The following HABP2 variants were observed in gnomAD, a reference collection of about 807,000 sequenced individuals.
HABP2 encodes factor VII-activating protease.
HABP2 carries 65 observed loss-of-function variants against 66.5 expected under a neutral mutation model. The ratio of observed to expected loss-of-function variants is 0.98; its 90% CI spans 0.80 to 1.20. The LOEUF is 1.20. Ranked by LOEUF, HABP2 falls within the 50% of genes most tolerant of loss-of-function variation. The probability of loss-of-function intolerance (pLI) is 0.00; values close to 1 mark genes in which losing one functional copy is unlikely to be tolerated. For synonymous variants in HABP2, 263 were observed against 253.9 expected, an observed-to-expected ratio of 1.04 and a Z score of -0.34; for missense variants, 786 against 691.0, an observed-to-expected ratio of 1.14 and a Z score of -1.54.
intron 1 of HABP2, among the ~76,000 whole-genome samples, chr10:113,562,250 A>G (rs951866245): frequency 1.3e-5 from 2 of 152,202 alleles, no homozygotes; most frequent in Non-Finnish European, 2.9e-5. Context: ...TGTTGAAACT[A>G]GGAATGGATG....
intron 8 of HABP2, 85 bp from the exon 9 acceptor site, chr10:113,581,791 G>A (rs1342727588): frequency 4.3e-6 from 6 of 1,410,476 alleles, no homozygotes; most frequent in Non-Finnish European, 6.0e-6. Context: ...CAGCTGTTGG[G>A]CTCAGAGTCA....
Position 113,578,060 on chromosome 10 carries a change from T to A in HABP2, c.483T>A (p.Asn161Lys). ...VPVCRPNPCQNGATCSRHKRR... is the reference protein window; with the variant it reads ...VPVCRPNPCQKGATCSRHKRR... ...TATGCAGGCCAAACCCCTGCCAGAA[T>A]GGGGCTACCTGCTCCCGGCATAAGC... Residue 161 changes from asparagine to lysine, a missense_variant, in exon 6 of 13, where the codon AAT becomes AAA. Asn to Lys is a moderately conservative substitution (Grantham distance 94). Transcript: ENST00000351270. The A allele has an allele frequency of 6.2e-7, 1 of 1,614,188 alleles. No homozygotes were observed. Among genetic ancestry groups the A allele is most frequent in the Non-Finnish European group, 8.5e-7 (1 of 1,180,002 alleles).
rs1845717157 is a variant in HABP2, at chr10:113,588,528, A to G, written c.*159A>G. ...ACTGCCACCCAGCCTGGGCCTTCCC[A>G]GACCAGCATTTGCACAATATCACCA... On this transcript the variant is annotated 3_prime_UTR_variant, in exon 13 of 13. Coordinates refer to ENST00000351270, the MANE Select transcript of HABP2 (RefSeq NM_004132.5). 2 of 575,220 alleles carry G rather than the reference A, an allele frequency of 3.5e-6. 1 individual carries two copies. Among genetic ancestry groups the G allele is most frequent in the South Asian group, 5.3e-5 (2 of 37,932 alleles). The allele number at this position is 575,220 out of a possible 1,614,324, so 35.6% of individuals were successfully genotyped here.
chr10:113,578,671 A>C lies in HABP2; in HGVS notation c.613A>C (p.Lys205Gln). ...YVGDGYSYRG[K>Q]MNRTVNQHAC... is the part of the protein sequence containing the mutation. ...TGGCGATGGCTACTCTTACCGAGGGAAAATGAATAGGACAGTCAACCAGCA... is the reference window on the plus strand; with the variant it reads ...TGGCGATGGCTACTCTTACCGAGGGCAAATGAATAGGACAGTCAACCAGCA... Residue 205 changes from lysine to glutamine, a missense_variant, in exon 7 of 13, where the codon AAA becomes CAA. Transcript: ENST00000351270. 6.2e-7 allele frequency: 1 copy of C among 1,611,768 alleles called. No individual in the cohort carries two copies. The highest frequency in any genetic ancestry group is 8.5e-7 in the Non-Finnish European group (1 of 1,177,992).
At chr10:113,574,847 A>C (rs368429173) in intron 3 of HABP2, among the ~76,000 whole-genome samples, 2 of 152,052 alleles carry the variant, frequency 1.3e-5, no homozygotes, top group East Asian at 1.9e-4. Flanking sequence ...TCCTTCCCTC[A>C]TGCCTTTGCC....
Position 113,581,956 on chromosome 10 carries a change from G to A in HABP2, c.919G>A (p.Ala307Thr), listed in dbSNP as rs762766302. The change falls in exon 9 of 13, where the codon GCA becomes ACA. Residue 307 changes from alanine to threonine, a missense_variant. Physicochemically the swap from Ala to Thr is moderately conservative, Grantham distance 58 (BLOSUM62 0). Coordinates refer to ENST00000351270, the MANE Select transcript of HABP2 (RefSeq NM_004132.5). ...GFDSCGKTEI[A>T]ERKIKRIYGG... Reference sequence around the variant, plus strand: ...TGACTCCTGTGGAAAGACTGAGATAGCAGAGAGGAAGATCAAGAGAATCTA... The same window carrying A: ...TGACTCCTGTGGAAAGACTGAGATAACAGAGAGGAAGATCAAGAGAATCTA... 16 of 1,614,074 alleles carry A rather than the reference G, an allele frequency of 9.9e-6. No individual in the cohort carries two copies. In the South Asian group the frequency reaches 1.4e-4, roughly 14 times the overall value.
chr10:113,583,894 T>A (rs1034199123), intron 10 of HABP2, among the ~76,000 whole-genome samples: 3 of 152,208 alleles, frequency 2.0e-5, no homozygotes, highest in African/African-American at 4.8e-5. Flanking sequence ...TCCCCTCTAA[T>A]GGCCTGTTTC....
intron 1 of HABP2, 50 bp downstream of exon 1, chr10:113,553,240 A>G (rs1357212539): frequency 3.8e-6 from 5 of 1,316,018 alleles, no homozygotes; most frequent in Non-Finnish European, 5.5e-6. Context: ...GAAGTTTACT[A>G]GGAGGACCAA....
chr10:113,567,567 G>A (rs765422214), intron 2 of HABP2, 42 bp downstream of exon 2: 1 of 1,481,380 alleles, frequency 6.8e-7, no homozygotes, highest in South Asian at 1.1e-5. Flanking sequence ...CCAATCCCAG[G>A]CTGGTTCTGG....
At chr10:113,573,263 G>C (rs1229775338) in intron 2 of HABP2, among the ~76,000 whole-genome samples, 1 of 152,214 alleles carries the variant, frequency 6.6e-6, no homozygotes, top group Non-Finnish European at 1.5e-5. Flanking sequence ...AGGCCCCAGA[G>C]AGCAAAGAGC....
intron 2 of HABP2, among the ~76,000 whole-genome samples, chr10:113,570,955 A>G (rs1455575935): frequency 1.3e-5 from 2 of 152,230 alleles, no homozygotes; most frequent in African/African-American, 4.8e-5. Flanking sequence ...GAGAGGTGCC[A>G]TCTGAGGTCT....
intron 1 of HABP2, among the ~76,000 whole-genome samples, chr10:113,564,450 C>G (rs745852987): frequency 1.6e-4 from 24 of 152,108 alleles, no homozygotes; most frequent in Non-Finnish European, 3.2e-4. Context: ...CTAAGCTGCC[C>G]TTCCTCTGCC....
In HABP2 at chr10:113,564,652, AT is replaced by A. The variant is rs779273139; in HGVS notation, c.70-2831del. Among the ~76,000 whole-genome samples, 19 of 152,222 alleles carry A rather than the reference AT, an allele frequency of 1.2e-4. No homozygotes were observed. The Middle Eastern group carries it at 0.01, about 82-fold the overall frequency. On this transcript the variant is annotated intron_variant, in intron 1 of 12. Coordinates refer to ENST00000351270, the MANE Select transcript of HABP2 (RefSeq NM_004132.5). ...CCCCTCACCAACATGTTATTTTGTA[AT>A]TTTTTAAACCTACAGAAAAGTGGGA...
At chr10:113,551,900 G>A (rs1480323331), upstream of HABP2, among the ~76,000 whole-genome samples, 4 of 151,998 alleles carry the variant, frequency 2.6e-5, no homozygotes, top group African/African-American at 4.8e-5. Context: ...TATAGGAGGC[G>A]GGGTGGGGGG....
Position 113,576,009 on chromosome 10 carries a change from G to A in HABP2, c.331+5G>A, listed in dbSNP as rs374048764. 14 of 1,477,386 alleles carry A rather than the reference G, an allele frequency of 9.5e-6. No individual in the cohort carries two copies. The Admixed American group carries it at 1.8e-4, about 19-fold the overall frequency. The allele number at this position is 1,477,386 out of a possible 1,614,324, so 91.5% of individuals were successfully genotyped here. ...CTGGGAATAAGTGTCAGAAAGGTGA[G>A]TCCGTCATCACTAGTCCACTCTTCC... On this transcript the variant is annotated splice_donor_5th_base_variant and intron_variant, in intron 4 of 12. Transcript: ENST00000351270.
At chr10:113,579,765 T>TG (rs1416814301) in intron 7 of HABP2, among the ~76,000 whole-genome samples, 1 of 152,110 alleles carries the variant, frequency 6.6e-6, no homozygotes, top group African/African-American at 2.4e-5. Flanking sequence ...TTCTTGTTTT[T>TG]TTTTTTTGTT....
chr10:113,586,476 G>GTGT (rs58122719), intron 12 of HABP2, among the ~76,000 whole-genome samples: 31,020 of 86,612 alleles, frequency 0.36, 4,266 homozygotes, highest in East Asian at 0.47. Flanking sequence ...GTGTGTGTGT[G>GTGT]GGGGGGGGGG....
At chr10:113,580,106 A>G (rs569821404) in intron 7 of HABP2, among the ~76,000 whole-genome samples, 5 of 140,526 alleles carry the variant, frequency 3.6e-5, no homozygotes, top group South Asian at 2.4e-4. Context: ...TTCACAAAAC[A>G]CTAGTACTTT....
upstream of HABP2, among the ~76,000 whole-genome samples, chr10:113,551,879 G>A (rs1353435880): frequency 2.0e-5 from 3 of 152,064 alleles, no homozygotes; most frequent in African/African-American, 7.2e-5. Flanking sequence ...TGATCAGGTG[G>A]ATGTTGATGG....
Sources: allele counts gnomAD v4.1 joint callset (sites outside exome capture counted in the v4.1 genomes callset), GRCh38; gene constraint gnomAD v4.1.1; transcripts MANE v1.5; gene names NCBI Gene and HGNC (gene_info 2026-07-23, HGNC 2026-07-21).